The following MICAL2 variants were observed in gnomAD, a reference collection of about 807,000 sequenced individuals.
MICAL2 encodes the protein microtubule associated monooxygenase, calponin and LIM domain containing 2.
In MICAL2, 77 loss-of-function variants were observed where a neutral mutation model predicts 127.3. That is an observed-to-expected ratio of 0.60 (90% CI 0.50 to 0.73). The LOEUF is 0.73. Among genes scored for constraint, MICAL2 ranks in the 30% least tolerant of loss-of-function variants. The pLI, the probability that MICAL2 is intolerant of heterozygous loss-of-function variation, is 0.00. For synonymous variants in MICAL2, 570 were observed against 551.1 expected (o/e 1.03, Z -0.48); for missense variants, 1,351 against 1,434.4 (o/e 0.94, Z 0.94).
upstream of MICAL2, chr11:12,274,449 G>A (rs1177781474): frequency 6.6e-6 from 1 of 152,216 alleles, no homozygotes; most frequent in African/African-American, 2.4e-5. Context: ...TAGTTTATTG[G>A]AGGGTGAGAC....
chr11:12,334,184 C>G (rs1938702461), intron 32 of MICAL2, among the ~76,000 whole-genome samples: 1 of 152,070 alleles, frequency 6.6e-6, no homozygotes, highest in Non-Finnish European at 1.5e-5. Flanking sequence ...AGGATTTGTT[C>G]CAGAACCCCT....
chr11:12,144,872 T>C (rs896225362), intron 2 of MICAL2, among the ~76,000 whole-genome samples: 49 of 152,226 alleles, frequency 3.2e-4, no homozygotes, highest in African/African-American at 1.1e-3. Context: ...GTAACCTTAC[T>C]TGGCTTTACA....
chr11:12,358,032 T>C (rs1589926586), intron 34 of MICAL2, among the ~76,000 whole-genome samples: 1 of 152,096 alleles, frequency 6.6e-6, no homozygotes, highest in African/African-American at 2.4e-5. Flanking sequence ...GTTTGGCTGG[T>C]ATTAAATTCC....
At chr11:12,238,106 A>T (rs1025331659) in intron 16 of MICAL2, among the ~76,000 whole-genome samples, 1 of 152,224 alleles carries the variant, frequency 6.6e-6, no homozygotes, top group East Asian at 1.9e-4. Context: ...TTTTAAAAAA[A>T]AATTAACTAT....
At chr11:12,296,699 GA>G (rs1322869604), downstream of MICAL2, among the ~76,000 whole-genome samples, 1 of 151,844 alleles carries the variant, frequency 6.6e-6, no homozygotes, top group African/African-American at 2.4e-5. Context: ...CCTGGTGATA[GA>G]TATTGTCATC....
intron 9 of MICAL2, among the ~76,000 whole-genome samples, chr11:12,221,092 G>T (rs543173063): frequency 2.0e-5 from 3 of 152,156 alleles, no homozygotes; most frequent in Non-Finnish European, 2.9e-5. Context: ...TGGTCCTTGG[G>T]CACTATTGTG....
chr11:12,114,064 A>C (rs1849806846), intron 1 of MICAL2, among the ~76,000 whole-genome samples: 1 of 152,230 alleles, frequency 6.6e-6, no homozygotes. Context: ...TCTCTCAAAA[A>C]TATTACAAAC....
intron 32 of MICAL2, among the ~76,000 whole-genome samples, chr11:12,337,208 C>G (rs1938780345): frequency 1.3e-5 from 2 of 152,130 alleles, no homozygotes; most frequent in African/African-American, 4.8e-5. Flanking sequence ...AGGAATTTAT[C>G]CATTTCTTCT....
chr11:12,275,889 G>C, upstream of MICAL2: 1 of 398,398 alleles, frequency 2.5e-6, no homozygotes, highest in Non-Finnish European at 4.4e-6. Context: ...GAGTATCTGA[G>C]TAGACCCCAG....
intron 24 of MICAL2, among the ~76,000 whole-genome samples, chr11:12,269,042 G>A (rs1565288769): frequency 6.6e-6 from 1 of 152,102 alleles, no homozygotes; most frequent in African/African-American, 2.4e-5. Context: ...ATTTGTAGGA[G>A]CCTAGAAATG....
intron 21 of MICAL2, among the ~76,000 whole-genome samples, chr11:12,248,305 CTG>C (rs1314667876): frequency 6.6e-6 from 1 of 152,198 alleles, no homozygotes; most frequent in Non-Finnish European, 1.5e-5. Context: ...AGGCTGTGGA[CTG>C]TGAGACCTAT....
rs141234831 is a variant in MICAL2, at chr11:12,221,712, G to A, written c.1275G>A (p.Val425=). The change falls in exon 10 of 28, where the codon GTG becomes GTA. Residue 425 remains valine (V), a synonymous_variant. Coordinates refer to ENST00000683283, the MANE Select transcript of MICAL2 (RefSeq NM_001282663.2). The stretch of plus-strand genomic sequence containing the variant: ...CAGCCTTTGACACGGCATGGATGGT[G>A]AAGAGCTGGAACCAGGGCACCCCTC... ...FLAAFDTAWM[V]KSWNQGTPPL... The A allele has an allele frequency of 7.2e-5, 116 of 1,613,924 alleles. 1 individual carries two copies. In the East Asian group the frequency reaches 1.9e-3, roughly 26 times the overall value.
intron 33 of MICAL2, among the ~76,000 whole-genome samples, chr11:12,350,374 G>T (rs1203526199): frequency 6.6e-6 from 1 of 152,210 alleles, no homozygotes; most frequent in Non-Finnish European, 1.5e-5. Flanking sequence ...CTGTCTGGCT[G>T]TCCTCTCTGA....
chr11:12,140,423 C>T (rs1441270283), intron 2 of MICAL2, among the ~76,000 whole-genome samples: 4 of 152,100 alleles, frequency 2.6e-5, no homozygotes, highest in African/African-American at 4.8e-5. Context: ...TAAACTCCAA[C>T]CATAGTAAAT....
chr11:12,249,673 C>T (rs1861272475), intron 22 of MICAL2, among the ~76,000 whole-genome samples: 1 of 152,210 alleles, frequency 6.6e-6, no homozygotes, highest in Non-Finnish European at 1.5e-5. Flanking sequence ...CTTCTGAGGC[C>T]CTGCACATTC....
At chr11:12,193,069 C>T (rs560805446) in intron 3 of MICAL2, among the ~76,000 whole-genome samples, 16 of 152,280 alleles carry the variant, frequency 1.1e-4, no homozygotes, top group African/African-American at 2.4e-4. Flanking sequence ...CCACCATATC[C>T]GCTATTTTCC....
Position 12,329,785 on chromosome 11 carries a change from T to A in MICAL2, c.5515+2519T>A, listed in dbSNP as rs78819781. On this transcript the variant is annotated intron_variant, in intron 32 of 34. Transcript: ENST00000646065. ...TCTTCTTTTAAAGAATTTGTCTAAT[T>A]TTTACTGCTTGAAATTTAAATGATA... Among the ~76,000 whole-genome samples, 149 of 151,892 alleles carry A rather than the reference T, an allele frequency of 9.8e-4. 1 individual carries two copies. In the East Asian group the frequency reaches 0.023, roughly 24 times the overall value.
chr11:12,221,742 G>A lies in MICAL2; in HGVS notation c.1305G>A (p.Leu435=), dbSNP rs1856841099. 7 of 1,613,388 alleles carry A rather than the reference G, an allele frequency of 4.3e-6. 1 individual carries two copies. The highest frequency in any genetic ancestry group is 5.1e-6 in the Non-Finnish European group (6 of 1,179,712). ...VKSWNQGTPP[L]ELLAERESLY... Reference sequence around the variant, plus strand: ...GCTGGAACCAGGGCACCCCTCCCCTGGAGCTGCTGGCTGAAAGGTGAGCTT... The same window carrying A: ...GCTGGAACCAGGGCACCCCTCCCCTAGAGCTGCTGGCTGAAAGGTGAGCTT... Residue 435 remains leucine, a synonymous_variant, in exon 10 of 28, where the codon CTG becomes CTA. Transcript: ENST00000683283.
upstream of MICAL2, among the ~76,000 whole-genome samples, chr11:12,271,388 C>A (rs1201316142): frequency 6.6e-6 from 1 of 152,216 alleles, no homozygotes; most frequent in Non-Finnish European, 1.5e-5. Context: ...TGTGGGCATG[C>A]AGCACAGGTG....
Sources: allele counts gnomAD v4.1 joint callset (sites outside exome capture counted in the v4.1 genomes callset), GRCh38; gene constraint gnomAD v4.1.1; transcripts MANE v1.5; gene names NCBI Gene and HGNC (gene_info 2026-07-23, HGNC 2026-07-21).